The following MPZL3 variants were observed in gnomAD, a reference collection of about 807,000 sequenced individuals.
MPZL3 encodes the protein myelin protein zero-like protein 3.
In MPZL3, 23 loss-of-function variants were observed where a neutral mutation model predicts 24.8. The ratio of observed to expected loss-of-function variants is 0.93; its 90% CI spans 0.67 to 1.31. The LOEUF (loss-of-function observed/expected upper bound fraction) is 1.31, where lower values mean the gene tolerates loss of function less well. Among genes scored for constraint, MPZL3 ranks in the 40% most tolerant of loss-of-function variants. The pLI is 0.00. For synonymous variants in MPZL3, 99 were observed against 106.5 expected (o/e 0.93, Z 0.44); for missense variants, 277 against 294.9 (o/e 0.94, Z 0.44).
At chr11:118,242,939 C>A (rs941987698) in intron 1 of MPZL3, among the ~76,000 whole-genome samples, 2 of 152,158 alleles carry the variant, frequency 1.3e-5, no homozygotes, top group Non-Finnish European at 2.9e-5. Context: ...GACAGGTCAC[C>A]AGAAATTCTA....
intron 1 of MPZL3, among the ~76,000 whole-genome samples, chr11:118,244,616 C>T (rs75458655): frequency 0.018 from 2,758 of 152,112 alleles, 44 homozygotes; most frequent in South Asian, 0.051. Context: ...CAAAAAAACA[C>T]GAAAGGGAGA....
chr11:118,244,895 T>G (rs575518907), intron 1 of MPZL3, among the ~76,000 whole-genome samples: 1 of 151,974 alleles, frequency 6.6e-6, no homozygotes, highest in African/African-American at 2.4e-5. Context: ...GCTAACACGG[T>G]GAAACCCCGT....
intron 1 of MPZL3, among the ~76,000 whole-genome samples, chr11:118,250,140 A>G (rs1197723994): frequency 6.7e-6 from 1 of 149,744 alleles, no homozygotes; most frequent in Non-Finnish European, 1.5e-5. Context: ...AATCTGGGAT[A>G]ACAGGGGCAT....
At chr11:118,247,452 C>T (rs377339247) in intron 1 of MPZL3, among the ~76,000 whole-genome samples, 71 of 152,294 alleles carry the variant, frequency 4.7e-4, no homozygotes, top group Middle Eastern at 3.4e-3. Context: ...TCAAGCTACA[C>T]AGGTTAAGTC....
At chr11:118,239,903 AG>A (rs1399870300) in intron 2 of MPZL3, among the ~76,000 whole-genome samples, 2 of 152,226 alleles carry the variant, frequency 1.3e-5, no homozygotes, top group African/African-American at 2.4e-5. Flanking sequence ...TACCCTTTTT[AG>A]TACATTAAAT....
intron 2 of MPZL3, 143 bp downstream of exon 2, chr11:118,240,068 G>A (rs1295701287): frequency 2.7e-6 from 2 of 754,460 alleles, no homozygotes; most frequent in Non-Finnish European, 4.0e-6. Context: ...ATGTCATATA[G>A]GATAAAAGTT....
At chr11:118,241,793 G>A (rs1489913516) in intron 1 of MPZL3, among the ~76,000 whole-genome samples, 2 of 152,096 alleles carry the variant, frequency 1.3e-5, no homozygotes, top group Non-Finnish European at 2.9e-5. Flanking sequence ...CTTTTAAAAG[G>A]AGGAGACCAA....
At chr11:118,231,878 G>A (rs1393054927) in intron 5 of MPZL3, among the ~76,000 whole-genome samples, 1 of 152,078 alleles carries the variant, frequency 6.6e-6, no homozygotes, top group African/African-American at 2.4e-5. Flanking sequence ...TAATGCAAAT[G>A]CCTCCTACTT....
rs192236113 is a variant in MPZL3 at position 118,250,743 on chromosome 11, G to T, written c.73+1479C>A. ...TTACAGGCGCCCGCCACCACGCCTGGCTAATTTTTTTTGTATTTTTTAGTA... is the reference window on the plus strand; with the variant it reads ...TTACAGGCGCCCGCCACCACGCCTGTCTAATTTTTTTTGTATTTTTTAGTA... On this transcript the variant is annotated intron_variant, in intron 1 of 5. Transcript: ENST00000278949. Among the ~76,000 whole-genome samples the T allele has an allele frequency of 2.4e-3, 358 of 152,074 alleles. 1 individual carries two copies. The highest frequency in any genetic ancestry group is 8.0e-3 in the African/African-American group (332 of 41,488).
chr11:118,240,659 A>G (rs538370245), intron 1 of MPZL3, among the ~76,000 whole-genome samples: 16 of 152,002 alleles, frequency 1.1e-4, no homozygotes, highest in African/African-American at 3.6e-4. Flanking sequence ...TTGTGGTTCA[A>G]TTAAGTACAA....
intron 1 of MPZL3, among the ~76,000 whole-genome samples, chr11:118,251,460 C>T (rs1294789269): frequency 1.3e-5 from 2 of 151,766 alleles, no homozygotes; most frequent in African/African-American, 4.8e-5. Context: ...CCCAGGAAGA[C>T]ACACATACAC....
At chr11:118,237,389 G>C (rs1949440361) in intron 2 of MPZL3, 129 bp from the exon 3 acceptor site, 1 of 776,992 alleles carries the variant, frequency 1.3e-6, no homozygotes, top group South Asian at 1.8e-5. Flanking sequence ...AACTTTTTAT[G>C]CTTTTTTAAC....
chr11:118,228,488 T>C lies in MPZL3; in HGVS notation c.*1406A>G, dbSNP rs1333188766. On this transcript the variant is annotated 3_prime_UTR_variant, in exon 6 of 6. Coordinates refer to ENST00000278949, the MANE Select transcript of MPZL3 (RefSeq NM_198275.3). Reference sequence around the variant, plus strand: ...CTGATATACTATACATATGCCTTAATGGCTTATAAAAAATCCTATGTAAAT... The same window carrying C: ...CTGATATACTATACATATGCCTTAACGGCTTATAAAAAATCCTATGTAAAT... The C allele has an allele frequency of 5.3e-5, 8 of 152,226 alleles. No homozygotes were observed. Among genetic ancestry groups the C allele is most frequent in the Non-Finnish European group, 1.0e-4 (7 of 68,034 alleles). The allele number at this position is 152,226 out of a possible 1,614,324, so 9.4% of individuals were successfully genotyped here. A position where few individuals can be genotyped will look rare whatever the true frequency, so the allele number is the denominator to read the frequency against.
chr11:118,227,252 G>T lies in MPZL3; in HGVS notation c.*2642C>A, dbSNP rs1205819792. On this transcript the variant is annotated 3_prime_UTR_variant, in exon 6 of 6. Transcript: ENST00000278949. ...CAGCAGCTAAAGAAAAATTCTGGAA[G>T]GCTTTTAACCCCTTCTGAACTAAGT... 2 of 152,182 alleles carry T rather than the reference G, an allele frequency of 1.3e-5. No homozygotes were observed. The highest frequency in any genetic ancestry group is 2.9e-5 in the Non-Finnish European group (2 of 68,028). 9.4% of individuals were successfully genotyped at this position (152,182 alleles called of 1,614,324 possible).
rs922508178 is a variant in MPZL3 at position 118,227,509 on chromosome 11, T to A, written c.*2385A>T. On this transcript the variant is annotated 3_prime_UTR_variant, in exon 6 of 6. Coordinates refer to ENST00000278949, the MANE Select transcript of MPZL3 (RefSeq NM_198275.3). ...GTAACCCAAATCTCAGTATAAGGGA[T>A]GAAGAAGGAAAATGATAGCAGCTGA... 6.6e-6 allele frequency: 1 copy of A among 152,186 alleles called. No individual in the cohort carries two copies. Among genetic ancestry groups the A allele is most frequent in the African/African-American group, 2.4e-5 (1 of 41,430 alleles). The allele number at this position is 152,186 out of a possible 1,614,324, so 9.4% of individuals were successfully genotyped here.
At chr11:118,246,741 C>T (rs560594666) in intron 1 of MPZL3, among the ~76,000 whole-genome samples, 82 of 151,972 alleles carry the variant, frequency 5.4e-4, no homozygotes, top group African/African-American at 1.9e-3. Context: ...TGTGCCACCA[C>T]ACCTGGCTAA....
Position 118,240,256 on chromosome 11 carries a change from A to C in MPZL3, c.195T>G (p.Thr65=). The C allele has an allele frequency of 1.2e-6, 2 of 1,603,058 alleles. No homozygotes were observed. The highest frequency in any genetic ancestry group is 1.7e-6 in the Non-Finnish European group (2 of 1,176,324). The change falls in exon 2 of 6, where the codon ACT becomes ACG. Residue 65 remains threonine (T), a synonymous_variant. Coordinates refer to ENST00000278949, the MANE Select transcript of MPZL3 (RefSeq NM_198275.3). ...TGGGAGGGCGATATGTCCAGTCTAT[A>C]GTAAGTTTGTCAGTGACATCTGAAG... The part of the protein sequence containing the change: ...KSTSDVTDKL[T]IDWTYRPPSS...
Position 118,252,183 on chromosome 11 carries a change from C to G in MPZL3, c.73+39G>C, listed in dbSNP as rs979423015. ...GAAAAGCGACCATCTTCCCTAACCCCCCGGCCGGAAGTGGAGCGTAGCCAG... is the reference window on the plus strand; with the variant it reads ...GAAAAGCGACCATCTTCCCTAACCCGCCGGCCGGAAGTGGAGCGTAGCCAG... On this transcript the variant is annotated intron_variant, in intron 1 of 5. Transcript: ENST00000278949. The G allele has an allele frequency of 5.0e-6, 8 of 1,608,470 alleles. No individual in the cohort carries two copies. In the African/African-American group the frequency reaches 8.0e-5, roughly 16 times the overall value.
At position 118,228,077 on chromosome 11, in the gene MPZL3, T is replaced by C. The variant is rs1180394062; in HGVS notation, c.*1817A>G. ...CTGGAAATGTAAACTGCCGGTCCTG[T>C]CTTTGCCCTTCTACTTCCTCGCGTG... On this transcript the variant is annotated 3_prime_UTR_variant, in exon 6 of 6. Coordinates refer to ENST00000278949, the MANE Select transcript of MPZL3 (RefSeq NM_198275.3). 3 of 152,220 alleles carry C rather than the reference T, an allele frequency of 2.0e-5. No homozygotes were observed. The highest frequency in any genetic ancestry group is 2.9e-5 in the Non-Finnish European group (2 of 68,044). 9.4% of individuals were successfully genotyped at this position (152,220 alleles called of 1,614,324 possible). A position where few individuals can be genotyped will look rare whatever the true frequency, so the allele number is the denominator to read the frequency against.
Sources: allele counts gnomAD v4.1 joint callset (sites outside exome capture counted in the v4.1 genomes callset), GRCh38; gene constraint gnomAD v4.1.1; transcripts MANE v1.5; gene names NCBI Gene and HGNC (gene_info 2026-07-23, HGNC 2026-07-21).